Variants in BTBD9 observed in about 807,000 individuals in gnomAD.
BTBD9 encodes BTB domain containing 9, also known as BTB/POZ domain-containing protein 9.
Under a neutral mutation model 64.3 loss-of-function variants are expected in BTBD9, and 49 were observed. That is an observed-to-expected ratio of 0.76 (90% confidence interval 0.61 to 0.97). The LOEUF is 0.97. Ranked by LOEUF, BTBD9 falls within the 50% of genes least tolerant of loss-of-function variation. BTBD9 has a pLI of 0.00. For synonymous variants in BTBD9, 260 were observed against 274.7 expected, an observed-to-expected ratio of 0.95 and a Z score of 0.53; for missense variants, 598 against 762.1, an observed-to-expected ratio of 0.78 and a Z score of 2.53.
At chr6:38,450,292 T>C (rs528845243) in intron 6 of BTBD9, among the ~76,000 whole-genome samples, 1 of 152,328 alleles carries the variant, frequency 6.6e-6, no homozygotes, top group African/African-American at 2.4e-5. Flanking sequence ...GGGGAAATGC[T>C]AGTCAAAGAA....
chr6:38,177,448 G>A (rs947304646), intron 10 of BTBD9, among the ~76,000 whole-genome samples: 1 of 152,172 alleles, frequency 6.6e-6, no homozygotes, highest in Non-Finnish European at 1.5e-5. Context: ...CAAGGACCAA[G>A]GCTTAGTCGT....
chr6:38,635,793 T>C (rs1453888554), intron 1 of BTBD9, among the ~76,000 whole-genome samples: 2 of 152,178 alleles, frequency 1.3e-5, no homozygotes, highest in Non-Finnish European at 2.9e-5. Context: ...ACCAGACTGT[T>C]CTTTATAAAT....
chr6:38,217,452 G>C (rs1009536211), intron 9 of BTBD9, among the ~76,000 whole-genome samples: 7 of 152,022 alleles, frequency 4.6e-5, no homozygotes, highest in Admixed American at 6.6e-5. Flanking sequence ...GGAAGACTTA[G>C]GAAGATAATT....
intron 6 of BTBD9, among the ~76,000 whole-genome samples, chr6:38,363,274 T>C (rs1302299767): frequency 6.6e-6 from 1 of 152,038 alleles, no homozygotes; most frequent in Non-Finnish European, 1.5e-5. Flanking sequence ...TTTACAACAT[T>C]TCTCTAGGCT....
chr6:38,377,891 TAAA>T (rs2127611885), intron 6 of BTBD9, among the ~76,000 whole-genome samples: 1 of 152,332 alleles, frequency 6.6e-6, no homozygotes, highest in Non-Finnish European at 1.5e-5. Flanking sequence ...ACTTCTTCCT[TAAA>T]AAGAAATCTT....
At chr6:38,342,613 T>C (rs1252205386) in intron 7 of BTBD9, among the ~76,000 whole-genome samples, 3 of 151,842 alleles carry the variant, frequency 2.0e-5, no homozygotes, top group Non-Finnish European at 2.9e-5. Flanking sequence ...TTACTTTTTT[T>C]CCCCCAAGAA....
At chr6:38,455,902 CCTG>C (rs1769777417) in intron 6 of BTBD9, among the ~76,000 whole-genome samples, 2 of 152,138 alleles carry the variant, frequency 1.3e-5, no homozygotes, top group South Asian at 4.1e-4. Context: ...GTCTCTAACT[CCTG>C]ACCTCAGGTG....
In BTBD9 at chr6:38,251,300, T is replaced by C. The variant is rs553003881; in HGVS notation, c.1562+5109A>G. 3.1e-3 allele frequency among the ~76,000 whole-genome samples: 469 copies of C among 151,016 alleles called. 1 individual carries two copies. Among genetic ancestry groups the C allele is most frequent in the African/African-American group, 0.011 (440 of 41,188 alleles). On this transcript the variant is annotated intron_variant, in intron 9 of 10. Transcript: ENST00000481247. ...TTTTTTTAAAGATGGGCTTGCGCTCTGTCGCCCAGGATGGAGTGCAGTGGC... is the reference window on the plus strand; with the variant it reads ...TTTTTTTAAAGATGGGCTTGCGCTCCGTCGCCCAGGATGGAGTGCAGTGGC...
In BTBD9 at chr6:38,169,402, A is replaced by G. The variant is rs1399720460; in HGVS notation, c.*5583T>C. ...GATGAGCTGGTGCCGTCCCCTCCCA[A>G]TTCCGCTCAGATGGGCACCCTCGCC... is the stretch of plus-strand genomic sequence containing the variant. On this transcript the variant is annotated 3_prime_UTR_variant, in exon 11 of 11. Transcript: ENST00000481247. 6.6e-6 allele frequency: 1 copy of G among 152,276 alleles called. No homozygotes were observed. The highest frequency in any genetic ancestry group is 1.5e-5 in the Non-Finnish European group (1 of 68,146). The allele number at this position is 152,276 out of a possible 1,614,324, so 9.4% of individuals were successfully genotyped here.
intron 6 of BTBD9, among the ~76,000 whole-genome samples, chr6:38,409,542 TG>T (rs1767315249): frequency 6.6e-6 from 1 of 152,176 alleles, no homozygotes; most frequent in Non-Finnish European, 1.5e-5. Context: ...ATATGTGATC[TG>T]GCTGAGCATG....
chr6:38,203,073 T>G (rs551491830), intron 9 of BTBD9, among the ~76,000 whole-genome samples: 74 of 152,142 alleles, frequency 4.9e-4, no homozygotes, highest in Admixed American at 1.8e-3. Context: ...TATGAAAAAA[T>G]GCTCAACATC....
rs556044156 is a variant in BTBD9, at chr6:38,427,816, C to T, written c.1155-82723G>A. Among the ~76,000 whole-genome samples the T allele has an allele frequency of 4.3e-4, 65 of 152,040 alleles. 1 individual carries two copies. Among genetic ancestry groups the T allele is most frequent in the African/African-American group, 1.5e-3 (63 of 41,316 alleles). On this transcript the variant is annotated intron_variant, in intron 6 of 10. Transcript: ENST00000481247. ...CTCTACTTGACTAATTATAATGCAG[C>T]ACAATAACGATGAGGTATGTTATTA...
intron 9 of BTBD9, among the ~76,000 whole-genome samples, chr6:38,222,033 AT>A (rs1365021261): frequency 6.6e-6 from 1 of 152,044 alleles, no homozygotes; most frequent in Non-Finnish European, 1.5e-5. Context: ...AGATGATCTC[AT>A]TTATCTTCCA....
At chr6:38,623,658 G>A (rs1216823982) in intron 1 of BTBD9, among the ~76,000 whole-genome samples, 4 of 152,148 alleles carry the variant, frequency 2.6e-5, no homozygotes, top group South Asian at 2.1e-4. Context: ...ATCAGACAAC[G>A]CCTCTCAAAT....
intron 6 of BTBD9, among the ~76,000 whole-genome samples, chr6:38,345,801 C>G (rs1172100768): frequency 4.6e-5 from 7 of 152,214 alleles, no homozygotes; most frequent in Admixed American, 1.3e-4. Context: ...CTGGGCAGCC[C>G]TTGAGCATCT....
At chr6:38,348,586 G>A (rs1292406878) in intron 6 of BTBD9, among the ~76,000 whole-genome samples, 2 of 152,160 alleles carry the variant, frequency 1.3e-5, no homozygotes, top group Non-Finnish European at 2.9e-5. Context: ...CGCTGTCCAC[G>A]TGAGCCATAG....
chr6:38,631,118 C>T (rs1332583580), intron 1 of BTBD9, among the ~76,000 whole-genome samples: 1 of 152,214 alleles, frequency 6.6e-6, no homozygotes, highest in African/African-American at 2.4e-5. Context: ...TGAAAACATT[C>T]TGGCTGCATT....
At chr6:38,302,485 G>GTGTATATATATA (rs1554137022) in intron 7 of BTBD9, among the ~76,000 whole-genome samples, 30 of 106,896 alleles carry the variant, frequency 2.8e-4, no homozygotes, top group East Asian at 1.2e-3. Context: ...TTGTGTGTAT[G>GTGTATATATATA]TATATATATA....
chr6:38,378,768 G>C (rs1211132584), intron 6 of BTBD9, among the ~76,000 whole-genome samples: 5 of 151,382 alleles, frequency 3.3e-5, no homozygotes, highest in Non-Finnish European at 7.4e-5. Flanking sequence ...CAGCTACTCG[G>C]GAGGCTGAGG....
Sources: allele counts gnomAD v4.1 joint callset (sites outside exome capture counted in the v4.1 genomes callset), GRCh38; gene constraint gnomAD v4.1.1; transcripts MANE v1.5; gene names NCBI Gene and HGNC (gene_info 2026-07-23, HGNC 2026-07-21).